The following PRKCH variants were observed in gnomAD, a reference collection of about 807,000 sequenced individuals.
PRKCH encodes the protein protein kinase C eta type.
PRKCH carries 28 observed loss-of-function variants against 82.5 expected under a neutral mutation model. The observed-to-expected ratio is 0.34, with a 90% confidence interval of 0.25 to 0.47. The LOEUF (loss-of-function observed/expected upper bound fraction) is 0.47. Ranked by LOEUF, PRKCH falls within the 20% of genes least tolerant of loss-of-function variation. PRKCH has a pLI of 1.00. For missense variants in PRKCH, 705 were observed against 881.8 expected, an observed-to-expected ratio of 0.80 and a Z score of 2.54; for synonymous variants, 322 against 327.4, an observed-to-expected ratio of 0.98 and a Z score of 0.18.
intron 1 of PRKCH, among the ~76,000 whole-genome samples, chr14:61,282,530 C>T (rs2045281159): frequency 6.6e-6 from 1 of 152,116 alleles, no homozygotes; most frequent in South Asian, 2.1e-4. Context: ...ATGTTGTTAG[C>T]ATCTTCCAAG....
chr14:61,463,049 A>G (rs767642764), intron 9 of PRKCH: 3 of 152,212 alleles, frequency 2.0e-5, no homozygotes, highest in African/African-American at 7.2e-5. Flanking sequence ...CAATATGGAA[A>G]TGGCATTGCC....
intron 1 of PRKCH, chr14:61,281,228 G>A (rs2045262960): frequency 2.2e-6 from 2 of 890,088 alleles, no homozygotes; most frequent in Admixed American, 9.0e-5. Flanking sequence ...CGCCGCGCAA[G>A]CCCGGGGACT....
intron 10 of PRKCH, among the ~76,000 whole-genome samples, chr14:61,517,598 A>G (rs2139986503): frequency 6.6e-6 from 1 of 152,330 alleles, no homozygotes; most frequent in African/African-American, 2.4e-5. Context: ...AGTGCTGATA[A>G]TGGCTAGCAT....
chr14:61,322,126 A>G lies in PRKCH; in HGVS notation c.25A>G (p.Asn9Asp). The G allele has an allele frequency of 3.1e-6, 5 of 1,590,040 alleles. No homozygotes were observed. The highest frequency in any genetic ancestry group is 4.3e-6 in the Non-Finnish European group (5 of 1,167,530). Reference protein sequence around the residue: MSSGTMKFNGYLRVRIGEA... With the variant: MSSGTMKFDGYLRVRIGEA... Reference sequence around the variant, plus strand: ...CATGTCGTCTGGCACCATGAAGTTCAATGGCTATTTGAGGGTCCGCATCGG... The same window carrying G: ...CATGTCGTCTGGCACCATGAAGTTCGATGGCTATTTGAGGGTCCGCATCGG... Residue 9 changes from asparagine to aspartate, a missense_variant, in exon 1 of 14, where the codon AAT (asparagine) becomes GAT (aspartate). Around this residue, in one of 5 missense-constraint regions of PRKCH, gnomAD observed 246 missense variants for 308.0 expected, o/e 0.80. Coordinates refer to ENST00000332981, the MANE Select transcript of PRKCH (RefSeq NM_006255.5).
chr14:61,424,723 A>G (rs1223663675), intron 2 of PRKCH, among the ~76,000 whole-genome samples: 1 of 152,252 alleles, frequency 6.6e-6, no homozygotes, highest in Non-Finnish European at 1.5e-5. Flanking sequence ...GCCAAATGTT[A>G]ATCACCAAGA....
chr14:61,236,007 C>T (rs2044784815), intron 1 of PRKCH, among the ~76,000 whole-genome samples: 1 of 152,112 alleles, frequency 6.6e-6, no homozygotes, highest in South Asian at 2.1e-4. Flanking sequence ...CTTGTGATAC[C>T]CTCCTTTTTT....
chr14:61,218,103 G>C (rs2044627751), intron 1 of PRKCH, among the ~76,000 whole-genome samples: 1 of 152,096 alleles, frequency 6.6e-6, no homozygotes, highest in Non-Finnish European at 1.5e-5. Context: ...CTATTCTCTA[G>C]TTCAACCAAA....
In PRKCH at chr14:61,366,266, A is replaced by T. The variant is rs147634701; in HGVS notation, c.364-24959A>T. Among the ~76,000 whole-genome samples, 103 of 152,248 alleles carry T rather than the reference A, an allele frequency of 6.8e-4. 2 individuals carry two copies. Among genetic ancestry groups the T allele is most frequent in the African/African-American group, 2.4e-3 (100 of 41,490 alleles). ...GCCAAGTAGGATTTTTTAAATTAGC[A>T]TATTGCCAGAAGTTTGACTTTCTTC... On this transcript the variant is annotated intron_variant, in intron 1 of 13. Transcript: ENST00000332981.
chr14:61,299,547 G>A (rs2045433850), intron 1 of PRKCH, among the ~76,000 whole-genome samples: 2 of 152,144 alleles, frequency 1.3e-5, no homozygotes, highest in African/African-American at 2.4e-5. Context: ...GAGAAACAGT[G>A]TAACAACCAC....
At chr14:61,288,281 AAG>A (rs1360681481) in intron 1 of PRKCH, among the ~76,000 whole-genome samples, 1 of 152,156 alleles carries the variant, frequency 6.6e-6, no homozygotes, top group Non-Finnish European at 1.5e-5. Flanking sequence ...TTTTTGTAGA[AAG>A]AGAGTCTAGC....
rs1050790589 is a variant in PRKCH, at chr14:61,457,398, C to T, written c.1104+79C>T. The T allele has an allele frequency of 1.5e-4, 239 of 1,584,028 alleles. 1 individual carries two copies. Among genetic ancestry groups the T allele is most frequent in the Admixed American group, 1.4e-3 (85 of 58,704 alleles). On this transcript the variant is annotated intron_variant, in intron 8 of 13. Coordinates refer to ENST00000332981, the MANE Select transcript of PRKCH (RefSeq NM_006255.5). Reference sequence around the variant, plus strand: ...GGGTGTGTGTGTGTGTGCACGCATGCGCACATACTCACATTTCTCATGTGC... The same window carrying T: ...GGGTGTGTGTGTGTGTGCACGCATGTGCACATACTCACATTTCTCATGTGC...
Position 61,207,758 on chromosome 14 carries a change from A to G in PRKCH, c.-19+20090A>G, listed in dbSNP as rs569174585. Reference sequence around the variant, plus strand: ...TTGAAAAAGTAGGCATTATCAATACAGATAAGGAAGGTGAGATGAAGCTAT... The same window carrying G: ...TTGAAAAAGTAGGCATTATCAATACGGATAAGGAAGGTGAGATGAAGCTAT... On this transcript the variant is annotated intron_variant, in intron 1 of 3. Coordinates refer to the PRKCH transcript ENST00000555185. Among the ~76,000 whole-genome samples, 137 of 152,350 alleles carry G rather than the reference A, an allele frequency of 9.0e-4. 2 individuals are homozygous for G. In the South Asian group the frequency reaches 0.028, roughly 31 times the overall value.
chr14:61,449,465 T>C, intron 5 of PRKCH, among the ~76,000 whole-genome samples: 1 of 152,166 alleles, frequency 6.6e-6, no homozygotes. Context: ...TTTTTTAAAT[T>C]ATGGCATTTA....
At chr14:61,535,723 G>A (rs1162454147) in intron 12 of PRKCH, among the ~76,000 whole-genome samples, 1 of 152,240 alleles carries the variant, frequency 6.6e-6, no homozygotes, top group African/African-American at 2.4e-5. Flanking sequence ...TACTTCATGT[G>A]TAAAAGATCA....
chr14:61,254,499 C>T (rs1296504001), intron 1 of PRKCH, among the ~76,000 whole-genome samples: 1 of 151,968 alleles, frequency 6.6e-6, no homozygotes, highest in Non-Finnish European at 1.5e-5. Context: ...GCCTGTAGTC[C>T]CAGCTACTCG....
intron 1 of PRKCH, among the ~76,000 whole-genome samples, chr14:61,261,190 C>T (rs892730943): frequency 2.6e-5 from 4 of 152,128 alleles, no homozygotes; most frequent in South Asian, 2.1e-4. Context: ...CCGTCACCAA[C>T]GCACACACGC....
At chr14:61,203,099 G>A (rs537336544) in intron 1 of PRKCH, among the ~76,000 whole-genome samples, 6 of 152,038 alleles carry the variant, frequency 3.9e-5, no homozygotes, top group Non-Finnish European at 7.4e-5. Context: ...TCTTACCCAC[G>A]AAGTGAAACC....
At chr14:61,374,578 C>T (rs746735159) in intron 1 of PRKCH, among the ~76,000 whole-genome samples, 1 of 152,066 alleles carries the variant, frequency 6.6e-6, no homozygotes, top group Non-Finnish European at 1.5e-5. Context: ...TCTGTACACC[C>T]ACAGGCCCAA....
At chr14:61,549,566 G>A (rs1328306575) in intron 13 of PRKCH, 119 bp from the exon 14 acceptor site, 1 of 1,074,032 alleles carries the variant, frequency 9.3e-7, no homozygotes, top group Non-Finnish European at 1.3e-6. Context: ...TGTAAATAAT[G>A]CTACTGAACA....
Sources: allele counts gnomAD v4.1 joint callset (sites outside exome capture counted in the v4.1 genomes callset), GRCh38; gene constraint gnomAD v4.1.1; regional missense constraint gnomAD v4.1.1; transcripts MANE v1.5; gene names NCBI Gene and HGNC (gene_info 2026-07-23, HGNC 2026-07-21).